DOCK8: variants seen among roughly 807,000 people sequenced by gnomAD.
The protein encoded by DOCK8 is dedicator of cytokinesis protein 8.
DOCK8 carries 141 observed loss-of-function variants against 245.6 expected under a neutral mutation model. The observed-to-expected ratio is 0.57, with a 90% confidence interval of 0.50 to 0.66. The LOEUF (loss-of-function observed/expected upper bound fraction) is 0.66. Among genes scored for constraint, DOCK8 ranks in the 30% least tolerant of loss-of-function variants. The pLI is 0.00. For missense variants in DOCK8, 2,965 were observed against 2,603.4 expected (o/e 1.14, Z -3.02); for synonymous variants, 1,168 against 970.2 (o/e 1.20, Z -3.79).
rs545666480 is a variant in DOCK8, at chr9:340,854, A to G, written c.1679+533A>G. Among the ~76,000 whole-genome samples, 23 of 152,316 alleles carry G rather than the reference A, an allele frequency of 1.5e-4. No individual in the cohort carries two copies. The South Asian group carries it at 4.8e-3, about 32-fold the overall frequency. On this transcript the variant is annotated intron_variant, in intron 14 of 47. Coordinates refer to ENST00000432829, the MANE Select transcript of DOCK8 (RefSeq NM_203447.4). ...GTTACTTCAGATGTAATTGTAGTTT[A>G]GGATTATAGTGGACATATGTTTTCC... is the stretch of plus-strand genomic sequence containing the variant.
rs190594900 is a variant in DOCK8, at chr9:409,586, T to A, written c.3530+2517T>A. On this transcript the variant is annotated intron_variant, in intron 28 of 47. Coordinates refer to ENST00000432829, the MANE Select transcript of DOCK8 (RefSeq NM_203447.4). Reference sequence around the variant, plus strand: ...ATATTTTTTAAATCTGGATTCTTTTTTTATTATTATCATACTTTAAGTTCT... The same window carrying A: ...ATATTTTTTAAATCTGGATTCTTTTATTATTATTATCATACTTTAAGTTCT... Among the ~76,000 whole-genome samples the A allele has an allele frequency of 1.8e-3, 280 of 152,310 alleles. 1 individual carries two copies. Among genetic ancestry groups the A allele is most frequent in the African/African-American group, 6.5e-3 (270 of 41,576 alleles).
chr9:309,780 C>T (rs1298655579), intron 5 of DOCK8, among the ~76,000 whole-genome samples: 1 of 152,198 alleles, frequency 6.6e-6, no homozygotes, highest in Admixed American at 6.5e-5. Flanking sequence ...GCTTTGGTGT[C>T]TATACACAAT....
intron 1 of DOCK8, among the ~76,000 whole-genome samples, chr9:250,506 A>G (rs1394794059): frequency 6.6e-6 from 1 of 152,156 alleles, no homozygotes; most frequent in Non-Finnish European, 1.5e-5. Flanking sequence ...ACCACACCAT[A>G]CTGGGTTTTT....
At chr9:404,874 C>G (rs762204376) in intron 26 of DOCK8, 44 bp from the exon 27 acceptor site, 2 of 1,610,986 alleles carry the variant, frequency 1.2e-6, no homozygotes, top group Admixed American at 1.7e-5. Flanking sequence ...ACTCCACTTA[C>G]CTTGTAATAA....
At chr9:336,749 T>A in intron 12 of DOCK8, 31 bp downstream of exon 12, 1 of 1,613,592 alleles carries the variant, frequency 6.2e-7, no homozygotes. Flanking sequence ...GTGTCTGGAT[T>A]TTTCCCCATA....
At chr9:214,557 C>T (rs1377475098), upstream of DOCK8, 3 of 1,613,802 alleles carry the variant, frequency 1.9e-6, no homozygotes, top group South Asian at 1.1e-5. Flanking sequence ...TGTGGGGCTC[C>T]CCCGACTTGC....
chr9:375,636 C>T (rs755009166), intron 18 of DOCK8, among the ~76,000 whole-genome samples: 1 of 152,140 alleles, frequency 6.6e-6, no homozygotes, highest in African/African-American at 2.4e-5. Context: ...CCGTTCAGCC[C>T]TCTTCTCACA....
intron 14 of DOCK8, among the ~76,000 whole-genome samples, chr9:352,897 T>G (rs1156441448): frequency 6.6e-6 from 1 of 152,052 alleles, no homozygotes; most frequent in East Asian, 1.9e-4. Context: ...TCTCAGCTCC[T>G]TCCTCACCAT....
At chr9:373,660 C>A (rs1246948461) in intron 18 of DOCK8, among the ~76,000 whole-genome samples, 1 of 152,196 alleles carries the variant, frequency 6.6e-6, no homozygotes, top group African/African-American at 2.4e-5. Flanking sequence ...TCTGTTCTTT[C>A]GCCATCTACC....
chr9:241,518 A>G (rs1330519256), intron 1 of DOCK8, among the ~76,000 whole-genome samples: 1 of 152,160 alleles, frequency 6.6e-6, no homozygotes, highest in Non-Finnish European at 1.5e-5. Flanking sequence ...CACTTGGTGT[A>G]ATGTCCTCCA....
intron 18 of DOCK8, among the ~76,000 whole-genome samples, chr9:374,419 TAAATG>T (rs1207778743): frequency 6.6e-6 from 1 of 150,716 alleles, no homozygotes; most frequent in South Asian, 2.1e-4. Context: ...TGTATTGAGT[TAAATG>T]AAATATTACT....
At chr9:343,847 A>G (rs1440776477) in intron 14 of DOCK8, among the ~76,000 whole-genome samples, 1 of 152,246 alleles carries the variant, frequency 6.6e-6, no homozygotes, top group Non-Finnish European at 1.5e-5. Context: ...CATCCAATGA[A>G]TTCTGTAGTT....
Position 338,996 on chromosome 9 carries a change from C to G in DOCK8, c.1423-10C>G. On this transcript the variant is annotated splice_polypyrimidine_tract_variant and intron_variant, in intron 12 of 47. Transcript: ENST00000432829. ...TGCATCTACATTAACTCTGACTTTT[C>G]TCTTGGCAGGAAGGAGATCGCCTTA... is the stretch of plus-strand genomic sequence containing the variant. The G allele has an allele frequency of 1.9e-6, 3 of 1,613,810 alleles. No individual in the cohort carries two copies. Among genetic ancestry groups the G allele is most frequent in the Non-Finnish European group, 2.5e-6 (3 of 1,179,764 alleles).
rs1321846311 is a variant in DOCK8, at chr9:396,895, C to T, written c.3081C>T (p.Val1027=). 2 of 1,614,044 alleles carry T rather than the reference C, an allele frequency of 1.2e-6. No homozygotes were observed. Among genetic ancestry groups the T allele is most frequent in the Admixed American group, 3.3e-5 (2 of 60,014 alleles). ...ACATAACTACTATTGTTAATGTGGT[C>T]ACCTCGGAAATTGCAGCCCTTTTAG... ...MDDITTIVNV[V]TSEIAALLVK... is the part of the protein sequence containing the mutation. The change falls in exon 25 of 48, where the codon GTC becomes GTT. Residue 1027 remains valine, a synonymous_variant. Coordinates refer to ENST00000432829, the MANE Select transcript of DOCK8 (RefSeq NM_203447.4).
chr9:214,468 C>A (rs759803429), upstream of DOCK8: 1 of 1,572,848 alleles, frequency 6.4e-7, no homozygotes, highest in Non-Finnish European at 8.6e-7. Context: ...TTTTTGGCTG[C>A]CTTCTTCGAG....
At chr9:441,813 G>C (rs979922862) in intron 41 of DOCK8, 62 bp from the exon 42 acceptor site, 2 of 1,605,292 alleles carry the variant, frequency 1.2e-6, no homozygotes, top group Non-Finnish European at 1.7e-6. Flanking sequence ...CCTGCCCTTT[G>C]CAACTCAGTG....
At chr9:216,599 AT>A (rs2046760613) in intron 1 of DOCK8, among the ~76,000 whole-genome samples, 1 of 150,744 alleles carries the variant, frequency 6.6e-6, no homozygotes, top group Non-Finnish European at 1.5e-5. Context: ...CCCTATGGGA[AT>A]TTTTTTCTAC....
intron 37 of DOCK8, among the ~76,000 whole-genome samples, chr9:432,821 G>A (rs1423787128): frequency 4.6e-5 from 7 of 152,152 alleles, no homozygotes; most frequent in Non-Finnish European, 7.4e-5. Context: ...GTCTGGTGAG[G>A]GGTAAGGAAG....
chr9:355,790 T>C (rs2052412273), intron 14 of DOCK8, among the ~76,000 whole-genome samples: 1 of 152,126 alleles, frequency 6.6e-6, no homozygotes, highest in Non-Finnish European at 1.5e-5. Flanking sequence ...TATTCCTCCC[T>C]AACTCCCAAC....
Sources: allele counts gnomAD v4.1 joint callset (sites outside exome capture counted in the v4.1 genomes callset), GRCh38; gene constraint gnomAD v4.1.1; transcripts MANE v1.5; gene names NCBI Gene and HGNC (gene_info 2026-07-23, HGNC 2026-07-21).